RAB27B: variants seen among roughly 807,000 people sequenced by gnomAD.
The protein encoded by RAB27B is RAB27B, member RAS oncogene family.
RAB27B carries 15 observed loss-of-function variants against 24.6 expected under a neutral mutation model. The ratio of observed to expected loss-of-function variants is 0.61; its 90% CI spans 0.41 to 0.94. RAB27B has a LOEUF of 0.94. Among genes scored for constraint, RAB27B ranks in the 40% least tolerant of loss-of-function variants. RAB27B has a pLI of 0.00. For missense variants in RAB27B, 261 were observed against 266.8 expected (o/e 0.98, Z 0.15); for synonymous variants, 105 against 92.5 (o/e 1.14, Z -0.78).
chr18:54,804,911 T>TC, intron 2 of RAB27B, among the ~76,000 whole-genome samples: 1 of 23,128 alleles, frequency 4.3e-5, no homozygotes, highest in African/African-American at 7.4e-5. Context: ...TCTCTCTTTC[T>TC]TTCTTTCTTT....
intron 2 of RAB27B, among the ~76,000 whole-genome samples, chr18:54,796,777 G>A (rs1246937088): frequency 6.6e-6 from 1 of 152,204 alleles, no homozygotes; most frequent in Non-Finnish European, 1.5e-5. Context: ...GAACAGGAGT[G>A]CTTGTTCTCA....
chr18:54,763,704 A>T (rs1290038502), intron 2 of RAB27B, among the ~76,000 whole-genome samples: 1 of 152,126 alleles, frequency 6.6e-6, no homozygotes, highest in Non-Finnish European at 1.5e-5. Flanking sequence ...GTATTTGAAA[A>T]ACTTTATGAC....
At chr18:54,730,367 A>G (rs560770525) in intron 2 of RAB27B, among the ~76,000 whole-genome samples, 12 of 152,338 alleles carry the variant, frequency 7.9e-5, no homozygotes, top group Admixed American at 2.0e-4. Context: ...CGACAAATGC[A>G]TGGTTCTCCG....
intron 2 of RAB27B, among the ~76,000 whole-genome samples, chr18:54,785,919 A>G (rs1909070082): frequency 6.6e-6 from 1 of 152,218 alleles, no homozygotes; most frequent in Non-Finnish European, 1.5e-5. Context: ...ATAGAGGCCC[A>G]AAAAGGGAAA....
At chr18:54,766,181 T>C (rs529229890) in intron 2 of RAB27B, among the ~76,000 whole-genome samples, 3 of 152,294 alleles carry the variant, frequency 2.0e-5, no homozygotes, top group African/African-American at 7.2e-5. Context: ...CACTTCATCA[T>C]CTTCATGGTA....
chr18:54,806,727 A>T (rs1351822634), intron 2 of RAB27B, among the ~76,000 whole-genome samples: 1 of 151,724 alleles, frequency 6.6e-6, no homozygotes, highest in Non-Finnish European at 1.5e-5. Context: ...GGAAAACATG[A>T]GTCATTAACA....
At chr18:54,746,474 C>A (rs1232489676) in intron 2 of RAB27B, among the ~76,000 whole-genome samples, 1 of 152,108 alleles carries the variant, frequency 6.6e-6, no homozygotes, top group Non-Finnish European at 1.5e-5. Context: ...ATATTGCAAG[C>A]ATTTTTGAAA....
chr18:54,816,792 C>A (rs1910135869), intron 2 of RAB27B, among the ~76,000 whole-genome samples: 1 of 152,130 alleles, frequency 6.6e-6, no homozygotes, highest in Non-Finnish European at 1.5e-5. Context: ...CAAGGCATTT[C>A]TGTGATTTAT....
intron 1 of RAB27B, among the ~76,000 whole-genome samples, chr18:54,873,077 A>G (rs1399927803): frequency 2.0e-5 from 3 of 151,926 alleles, no homozygotes; most frequent in Non-Finnish European, 4.4e-5. Context: ...TTCCCTTTCC[A>G]TATAAAATAA....
rs533010153 is a variant in RAB27B at position 54,893,422 on chromosome 18, GA to G, written c.*4011del. 592 of 152,080 alleles carry G rather than the reference GA, an allele frequency of 3.9e-3. 3 individuals carry two copies. Among genetic ancestry groups the G allele is most frequent in the African/African-American group, 0.014 (577 of 41,560 alleles). 9.4% of individuals were successfully genotyped at this position (152,080 alleles called of 1,614,324 possible). On this transcript the variant is annotated 3_prime_UTR_variant, in exon 6 of 6. Coordinates refer to ENST00000262094, the MANE Select transcript of RAB27B (RefSeq NM_004163.4). ...ACTACCAAGCTTTAAGACATTAAAA[GA>G]AGTCTAGTGTATTTGAATATTTTAG...
chr18:54,801,553 C>T (rs1909612109), intron 2 of RAB27B, among the ~76,000 whole-genome samples: 1 of 152,072 alleles, frequency 6.6e-6, no homozygotes, highest in Non-Finnish European at 1.5e-5. Context: ...GGCCTGTTGA[C>T]CATTGAGCAG....
rs116152505 is a variant in RAB27B, at chr18:54,746,992, G to T, written c.-20+28851G>T. Among the ~76,000 whole-genome samples, 905 of 152,214 alleles carry T rather than the reference G, an allele frequency of 5.9e-3. 4 individuals carry two copies. Among genetic ancestry groups the T allele is most frequent in the African/African-American group, 0.021 (881 of 41,536 alleles). ...TGATAGTGAAGAAAAACAGTACAGA[G>T]ATTTAATGTTTCCCTGTAAATAAAA... is the stretch of plus-strand genomic sequence containing the variant. On this transcript the variant is annotated intron_variant, in intron 2 of 4. Coordinates refer to the RAB27B transcript ENST00000586570.
chr18:54,837,103 C>T (rs1006363313), intron 1 of RAB27B, among the ~76,000 whole-genome samples: 1 of 84,418 alleles, frequency 1.2e-5, no homozygotes, highest in Non-Finnish European at 3.3e-5. Flanking sequence ...AACTTAGAAT[C>T]TAGTAAAATA....
intron 2 of RAB27B, among the ~76,000 whole-genome samples, chr18:54,783,236 G>A (rs1289288127): frequency 6.6e-6 from 1 of 151,872 alleles, no homozygotes; most frequent in Non-Finnish European, 1.5e-5. Context: ...CAAAGTGCTG[G>A]GATTACAAGC....
At chr18:54,825,155 G>T (rs184726671), upstream of RAB27B, among the ~76,000 whole-genome samples, 94 of 152,244 alleles carry the variant, frequency 6.2e-4, 1 homozygote, top group Admixed American at 2.9e-3. Flanking sequence ...GAAACTTCTG[G>T]ATCCATTATT....
At chr18:54,765,950 ATTAAAG>A (rs1261898924) in intron 2 of RAB27B, among the ~76,000 whole-genome samples, 8 of 152,228 alleles carry the variant, frequency 5.3e-5, no homozygotes, top group Admixed American at 5.2e-4. Context: ...TTATGAGTTA[ATTAAAG>A]TTAAACCAGT....
At chr18:54,765,104 G>A (rs1357964968) in intron 2 of RAB27B, among the ~76,000 whole-genome samples, 2 of 151,872 alleles carry the variant, frequency 1.3e-5, no homozygotes, top group Admixed American at 1.3e-4. Flanking sequence ...AAACAAACAA[G>A]CAAAAAAAAC....
At chr18:54,840,783 G>A (rs1287124384) in intron 1 of RAB27B, among the ~76,000 whole-genome samples, 2 of 152,046 alleles carry the variant, frequency 1.3e-5, no homozygotes, top group African/African-American at 2.4e-5. Flanking sequence ...CACCAATACT[G>A]TCAACAACAC....
At chr18:54,870,541 A>G in intron 1 of RAB27B, among the ~76,000 whole-genome samples, 1 of 152,206 alleles carries the variant, frequency 6.6e-6, no homozygotes, top group East Asian at 1.9e-4. Context: ...AAATAGAAGC[A>G]TAAGAATTTG....
Sources: allele counts gnomAD v4.1 joint callset (sites outside exome capture counted in the v4.1 genomes callset), GRCh38; gene constraint gnomAD v4.1.1; transcripts MANE v1.5; gene names NCBI Gene and HGNC (gene_info 2026-07-23, HGNC 2026-07-21).